The following ADAMTS5 variants were observed in gnomAD, a reference collection of about 807,000 sequenced individuals.
The protein encoded by ADAMTS5 is A disintegrin and metalloproteinase with thrombospondin motifs 5.
Under a neutral mutation model 81.4 loss-of-function variants are expected in ADAMTS5, and 54 were observed. The observed-to-expected ratio is 0.66, with a 90% CI of 0.53 to 0.83. The LOEUF (loss-of-function observed/expected upper bound fraction) is 0.83, where lower values mean the gene tolerates loss of function less well. Among genes scored for constraint, ADAMTS5 ranks in the 40% least tolerant of loss-of-function variants. The pLI, the probability that ADAMTS5 is intolerant of heterozygous loss-of-function variation, is 0.00. For synonymous variants in ADAMTS5, 532 were observed against 508.8 expected, an observed-to-expected ratio of 1.05 and a Z score of -0.61; for missense variants, 1,194 against 1,229.9, an observed-to-expected ratio of 0.97 and a Z score of 0.44.
Position 26,924,588 on chromosome 21 carries a change from TC to T in ADAMTS5, c.2257del (p.Glu753LysfsTer6). On this transcript the variant is annotated frameshift_variant, in exon 8 of 8. Transcript: ENST00000284987. LOFTEE classifies it high-confidence loss of function. ...KGYTDVVRIP[E>X]GATHIKVRQF... Reference sequence around the variant, plus strand: ...TCGAACTTTTATGTGGGTTGCCCCTTCAGGAATCCTCACCACGTCAGTGTAA... The same window carrying T: ...TCGAACTTTTATGTGGGTTGCCCCTTAGGAATCCTCACCACGTCAGTGTAA... 6.2e-7 allele frequency: 1 copy of T among 1,613,808 alleles called. No individual in the cohort carries two copies. Among genetic ancestry groups the T allele is most frequent in the Non-Finnish European group, 8.5e-7 (1 of 1,179,856 alleles).
chr21:26,929,999 C>T lies in ADAMTS5; in HGVS notation c.2112G>A (p.Val704=), dbSNP rs1438273510. 1.2e-6 allele frequency: 2 copies of T among 1,614,112 alleles called. No homozygotes were observed. The highest frequency in any genetic ancestry group is 3.3e-5 in the Admixed American group (2 of 60,016). Residue 704 remains valine, a synonymous_variant, in exon 7 of 8, where the codon GTG becomes GTA. Transcript: ENST00000284987. ...CAATGATGCCGTCACAGCCAGTTCT[C>T]ACACACTTCCCCCGGACGCAGACGG... is the stretch of plus-strand genomic sequence containing the variant. ...SNSVCVRGKC[V]RTGCDGIIGS...
chr21:26,940,099 A>T (rs1310170411), intron 3 of ADAMTS5, among the ~76,000 whole-genome samples: 1 of 152,374 alleles, frequency 6.6e-6, no homozygotes, highest in East Asian at 1.9e-4. Flanking sequence ...ACAAATGTCC[A>T]GCTACTTATG....
At chr21:26,928,701 CTCTT>C (rs1278434827) in intron 7 of ADAMTS5, among the ~76,000 whole-genome samples, 37 of 146,882 alleles carry the variant, frequency 2.5e-4, no homozygotes, top group African/African-American at 6.1e-4. Context: ...TTCTCTCTCT[CTCTT>C]TCTTTCTTTC....
chr21:26,928,054 C>A (rs1420807458), intron 7 of ADAMTS5, among the ~76,000 whole-genome samples: 2 of 152,028 alleles, frequency 1.3e-5, no homozygotes, highest in African/African-American at 4.8e-5. Context: ...TGTGAATGGG[C>A]TTAAAATTGA....
At chr21:26,935,737 C>T (rs751610073) in intron 3 of ADAMTS5, among the ~76,000 whole-genome samples, 21 of 152,162 alleles carry the variant, frequency 1.4e-4, no homozygotes, top group Non-Finnish European at 2.5e-4. Context: ...TCCTTCCCCT[C>T]CCCGCAAAAG....
chr21:26,955,760 A>T (rs1987414358), intron 1 of ADAMTS5, among the ~76,000 whole-genome samples: 1 of 152,204 alleles, frequency 6.6e-6, no homozygotes, highest in South Asian at 2.1e-4. Context: ...ATTAATGGAC[A>T]TTAGCATTTC....
intron 3 of ADAMTS5, among the ~76,000 whole-genome samples, chr21:26,937,882 C>A (rs1459320142): frequency 1.3e-5 from 2 of 152,192 alleles, no homozygotes; most frequent in Non-Finnish European, 2.9e-5. Context: ...CCTGGGAACA[C>A]TTTGACCCTT....
chr21:26,924,386 G>C lies in ADAMTS5; in HGVS notation c.2460C>G (p.Gly820=). Residue 820 remains glycine (G), a synonymous_variant, in exon 8 of 8, where the codon GGC becomes GGG. Transcript: ENST00000284987. ...TTTCCTTCGTGGCAGAGTAGCCCAT[G>C]CCATGCAGGAAGTCATCCCTGTGGC... ...GWSHRDDFLH[G]MGYSATKEIL... 6.2e-7 allele frequency: 1 copy of C among 1,614,090 alleles called. No homozygotes were observed. The highest frequency in any genetic ancestry group is 1.1e-5 in the South Asian group (1 of 91,078).
chr21:26,934,829 C>T, intron 3 of ADAMTS5, 80 bp from the exon 4 acceptor site: 3 of 1,549,992 alleles, frequency 1.9e-6, no homozygotes, highest in Non-Finnish European at 2.6e-6. Context: ...AAATGAAATG[C>T]CCCGGCTGGT....
At chr21:26,961,761 G>A (rs74410146) in intron 1 of ADAMTS5, among the ~76,000 whole-genome samples, 4 of 152,252 alleles carry the variant, frequency 2.6e-5, no homozygotes, top group African/African-American at 9.6e-5. Flanking sequence ...CTGATTCCTT[G>A]ACAAGGGTTC....
intron 5 of ADAMTS5, 94 bp from the exon 6 acceptor site, chr21:26,932,273 C>T: frequency 7.3e-7 from 1 of 1,370,768 alleles, no homozygotes; most frequent in Non-Finnish European, 9.8e-7. Flanking sequence ...GGGGAAGATG[C>T]AAACGTGTTT....
At chr21:26,962,960 T>C (rs1423459352) in intron 1 of ADAMTS5, among the ~76,000 whole-genome samples, 7 of 152,180 alleles carry the variant, frequency 4.6e-5, no homozygotes, top group Admixed American at 4.6e-4. Context: ...GAAATTTTTT[T>C]CAACCCCCTA....
intron 2 of ADAMTS5, among the ~76,000 whole-genome samples, chr21:26,948,014 A>T (rs1987248304): frequency 6.6e-6 from 1 of 152,188 alleles, no homozygotes; most frequent in South Asian, 2.1e-4. Flanking sequence ...CTGGTATGAA[A>T]ATTCTCTTTT....
chr21:26,966,269 G>T lies in ADAMTS5; in HGVS notation c.123C>A (p.Ala41=). ...AGQPPTAAAA[A]QPRRRQGEEV... ...CCTCCCCCTGCCGCCGGCGGGGCTG[G>T]GCGGCTGCTGCAGCAGTCGGAGGCT... Residue 41 remains alanine (A), a synonymous_variant, in exon 1 of 8, where the codon GCC becomes GCA. Transcript: ENST00000284987. The T allele has an allele frequency of 1.3e-6, 2 of 1,574,774 alleles. No homozygotes were observed. Among genetic ancestry groups the T allele is most frequent in the South Asian group, 1.1e-5 (1 of 87,838 alleles).
intron 1 of ADAMTS5, among the ~76,000 whole-genome samples, chr21:26,958,028 A>C (rs532428869): frequency 3.0e-4 from 45 of 152,326 alleles, no homozygotes; most frequent in Non-Finnish European, 5.6e-4. Context: ...GCAGATGCTC[A>C]GAAGATAGTG....
At position 26,965,974 on chromosome 21, in the gene ADAMTS5, G is replaced by T; in HGVS notation, c.418C>A (p.Pro140Thr). Residue 140 changes from proline to threonine, a missense_variant, in exon 1 of 8, where the codon CCC becomes ACC. Physicochemically the swap from Pro to Thr is conservative, Grantham distance 38. Coordinates refer to ENST00000284987, the MANE Select transcript of ADAMTS5 (RefSeq NM_007038.5). Reference protein sequence around the residue: ...CFYRGTVDGSPRSLAVFDLCG... With the variant: ...CFYRGTVDGSTRSLAVFDLCG... ...AGGTCAAAGACAGCCAGAGAGCGGG[G>T]ACTACCGTCCACTGTGCCCCGATAG... 6.2e-7 allele frequency: 1 copy of T among 1,613,306 alleles called. No homozygotes were observed. The highest frequency in any genetic ancestry group is 8.5e-7 in the Non-Finnish European group (1 of 1,179,842).
chr21:26,930,217 G>A (rs1487822834), intron 6 of ADAMTS5, among the ~76,000 whole-genome samples, 156 bp from the exon 7 acceptor site: 1 of 150,862 alleles, frequency 6.6e-6, no homozygotes, highest in Non-Finnish European at 1.5e-5. Context: ...GTTTCCAGAA[G>A]TAGCTAACTG....
chr21:26,951,679 CAAAAAAAAAAAAAAAAAAAAAAAAAA>C (rs58060427), intron 2 of ADAMTS5, among the ~76,000 whole-genome samples: 25 of 46,628 alleles, frequency 5.4e-4, no homozygotes, highest in South Asian at 2.9e-3. Flanking sequence ...CCCTCCATCT[CAAAAAAAAAAAAAAAAAAAAAAAAAA>C]AAAAAAAAAA....
rs16979416 is a variant in ADAMTS5 at position 26,920,629 on chromosome 21, C to T, written c.*3424G>A. ...ATCTAATACATCAATATCGACTTGT[C>T]CAAGTTTCTCGATGAAGTGAAAGGA... On this transcript the variant is annotated 3_prime_UTR_variant, in exon 8 of 8. Transcript: ENST00000284987. The T allele has an allele frequency of 2.8e-3, 420 of 152,094 alleles. 4 individuals are homozygous for T. Among genetic ancestry groups the T allele is most frequent in the African/African-American group, 9.7e-3 (402 of 41,524 alleles). The allele number at this position is 152,094 out of a possible 1,614,324, so 9.4% of individuals were successfully genotyped here.
Sources: allele counts gnomAD v4.1 joint callset (sites outside exome capture counted in the v4.1 genomes callset), GRCh38; gene constraint gnomAD v4.1.1; transcripts MANE v1.5; gene names NCBI Gene and HGNC (gene_info 2026-07-23, HGNC 2026-07-21).